The following SORCS1 variants were observed in gnomAD, a reference collection of about 807,000 sequenced individuals.
SORCS1 encodes sortilin related VPS10 domain containing receptor 1.
A neutral mutation model predicts 146.1 loss-of-function variants in SORCS1; 60 were observed. The ratio of observed to expected loss-of-function variants is 0.41; its 90% CI spans 0.33 to 0.51. The LOEUF (loss-of-function observed/expected upper bound fraction) is 0.51. Among genes scored for constraint, SORCS1 ranks in the 20% least tolerant of loss-of-function variants. The pLI is 0.21. For missense variants in SORCS1, 1,352 were observed against 1,487.6 expected, an observed-to-expected ratio of 0.91 and a Z score of 1.50; for synonymous variants, 637 against 584.0, an observed-to-expected ratio of 1.09 and a Z score of -1.31.
intron 18 of SORCS1, among the ~76,000 whole-genome samples, chr10:106,634,038 G>T (rs1055551673): frequency 1.2e-4 from 18 of 152,200 alleles, no homozygotes; most frequent in African/African-American, 4.3e-4. Flanking sequence ...TTAATATGAT[G>T]AAAAAGCTTT....
intron 5 of SORCS1, among the ~76,000 whole-genome samples, chr10:106,753,785 C>T (rs1254332463): frequency 6.6e-6 from 1 of 151,962 alleles, no homozygotes; most frequent in African/African-American, 2.4e-5. Flanking sequence ...AGAACTCAAG[C>T]TCAAAAGCCA....
intron 1 of SORCS1, among the ~76,000 whole-genome samples, chr10:106,990,018 G>A (rs796969995): frequency 6.6e-6 from 1 of 152,008 alleles, no homozygotes; most frequent in African/African-American, 2.4e-5. Context: ...CCTGATTCAT[G>A]TTGCTGTTAA....
intron 2 of SORCS1, among the ~76,000 whole-genome samples, chr10:106,953,607 A>T (rs370821575): frequency 1.2e-4 from 19 of 152,218 alleles, no homozygotes; most frequent in African/African-American, 4.3e-4. Context: ...TCATTGTGTG[A>T]ACATAATACA....
At chr10:106,806,985 G>A (rs1362088647) in intron 3 of SORCS1, among the ~76,000 whole-genome samples, 1 of 152,010 alleles carries the variant, frequency 6.6e-6, no homozygotes, top group Non-Finnish European at 1.5e-5. Flanking sequence ...TATCAATAAA[G>A]GCATGGGGAA....
At chr10:106,809,461 C>G (rs1947353548) in intron 3 of SORCS1, among the ~76,000 whole-genome samples, 1 of 151,958 alleles carries the variant, frequency 6.6e-6, no homozygotes, top group African/African-American at 2.4e-5. Context: ...CCTGCTAGCC[C>G]TGTACAATTC....
intron 19 of SORCS1, among the ~76,000 whole-genome samples, chr10:106,627,753 T>C (rs1466162959): frequency 3.3e-5 from 5 of 152,210 alleles, no homozygotes; most frequent in African/African-American, 1.2e-4. Context: ...CAAGATGATC[T>C]GTAAAGAGTA....
At chr10:106,843,689 C>G (rs764406601) in intron 2 of SORCS1, among the ~76,000 whole-genome samples, 1 of 152,080 alleles carries the variant, frequency 6.6e-6, no homozygotes, top group African/African-American at 2.4e-5. Context: ...CCCACCTTGG[C>G]CCCCCAAAGT....
intron 2 of SORCS1, among the ~76,000 whole-genome samples, chr10:106,926,281 T>A (rs892670927): frequency 1.3e-5 from 2 of 152,232 alleles, no homozygotes; most frequent in African/African-American, 4.8e-5. Flanking sequence ...TATGCAGCCA[T>A]TAAGAATATG....
chr10:106,939,002 C>A (rs1953893996), intron 2 of SORCS1, among the ~76,000 whole-genome samples: 1 of 152,140 alleles, frequency 6.6e-6, no homozygotes, highest in African/African-American at 2.4e-5. Context: ...GGGAAAACGT[C>A]CCATGTAATG....
chr10:107,089,397 C>T (rs531464751), intron 1 of SORCS1, among the ~76,000 whole-genome samples: 1 of 152,256 alleles, frequency 6.6e-6, no homozygotes, highest in African/African-American at 2.4e-5. Flanking sequence ...GCCTATCTTT[C>T]TGACCTTCAG....
chr10:106,823,262 T>A (rs1450582240), intron 3 of SORCS1, among the ~76,000 whole-genome samples: 1 of 152,182 alleles, frequency 6.6e-6, no homozygotes, highest in Non-Finnish European at 1.5e-5. Context: ...CCTCTTGGCC[T>A]CCCTAGATAA....
intron 1 of SORCS1, among the ~76,000 whole-genome samples, chr10:107,027,171 T>C (rs1467057891): frequency 1.3e-5 from 2 of 151,704 alleles, no homozygotes; most frequent in East Asian, 3.9e-4. Context: ...AGCCTGGTTA[T>C]GTGATTCGTA....
intron 2 of SORCS1, among the ~76,000 whole-genome samples, chr10:106,901,827 A>C (rs1299918566): frequency 1.3e-5 from 2 of 152,132 alleles, no homozygotes; most frequent in Non-Finnish European, 2.9e-5. Flanking sequence ...GTGGATCACG[A>C]GGTCAGGAGA....
chr10:107,092,898 A>AC (rs1460086261), intron 1 of SORCS1, among the ~76,000 whole-genome samples: 2 of 151,576 alleles, frequency 1.3e-5, no homozygotes, highest in Non-Finnish European at 2.9e-5. Context: ...AAAAAAAAAA[A>AC]AAAAAAAACC....
At chr10:106,878,739 G>A (rs957618843) in intron 2 of SORCS1, among the ~76,000 whole-genome samples, 1 of 148,542 alleles carries the variant, frequency 6.7e-6, no homozygotes, top group African/African-American at 2.5e-5. Flanking sequence ...GTAATTTTGT[G>A]TAAAATTTAT....
intron 5 of SORCS1, among the ~76,000 whole-genome samples, chr10:106,736,651 T>C (rs1856969319): frequency 8.0e-6 from 1 of 125,606 alleles, no homozygotes; most frequent in African/African-American, 2.9e-5. Flanking sequence ...ACAGTTTTTG[T>C]TTTTGAATAG....
chr10:106,816,259 T>C (rs1407633522), intron 3 of SORCS1, among the ~76,000 whole-genome samples: 1 of 152,244 alleles, frequency 6.6e-6, no homozygotes, highest in Non-Finnish European at 1.5e-5. Flanking sequence ...CAGTCAGAAG[T>C]ACCAATCTTG....
At chr10:106,986,694 G>C (rs1242474953) in intron 1 of SORCS1, among the ~76,000 whole-genome samples, 1 of 151,908 alleles carries the variant, frequency 6.6e-6, no homozygotes, top group Non-Finnish European at 1.5e-5. Flanking sequence ...TTTTTCCTCA[G>C]ATTGGATAAT....
chr10:106,776,797 G>A, intron 3 of SORCS1, 105 bp from the exon 4 acceptor site: 3 of 1,241,816 alleles, frequency 2.4e-6, no homozygotes, highest in Non-Finnish European at 3.3e-6. Flanking sequence ...ACAGGGGCAG[G>A]CAAAGAATGC....
Sources: gnomAD v4.1 joint callset for allele counts (sites outside exome capture counted in the v4.1 genomes callset) on GRCh38, gnomAD v4.1.1 for gene constraint, MANE v1.5 for transcripts, NCBI Gene and HGNC (gene_info 2026-07-23, HGNC 2026-07-21) for gene names.